CLVS1: variants seen among roughly 807,000 people sequenced by gnomAD.
CLVS1 encodes clavesin 1.
In CLVS1, 10 loss-of-function variants were observed where a neutral mutation model predicts 33.1. That is an observed-to-expected ratio of 0.30 (90% CI 0.19 to 0.51). The LOEUF is 0.51. Among genes scored for constraint, CLVS1 ranks in the 20% least tolerant of loss-of-function variants. CLVS1 has a pLI of 0.97. For missense variants in CLVS1, 343 were observed against 433.4 expected, an observed-to-expected ratio of 0.79 and a Z score of 1.85; for synonymous variants, 163 against 166.1, an observed-to-expected ratio of 0.98 and a Z score of 0.14.
At chr8:60,965,731 G>A in the CLVS1 span, 1 of 152,272 alleles carries the variant, frequency 6.6e-6, no homozygotes, top group South Asian at 2.1e-4. Context: ...CCAGAGCCAC[G>A]TTATTTCTGA....
the CLVS1 span, among the ~76,000 whole-genome samples, chr8:61,001,486 A>T: frequency 6.6e-6 from 1 of 152,260 alleles, no homozygotes; most frequent in South Asian, 2.1e-4. Flanking sequence ...TAAGATTTAC[A>T]GGTGAAAGAG....
intron 2 of CLVS1, among the ~76,000 whole-genome samples, chr8:61,221,683 A>T (rs1808220462): frequency 6.6e-6 from 1 of 152,148 alleles, no homozygotes; most frequent in Admixed American, 6.6e-5. Context: ...TGGTATCAGG[A>T]TGATGCTGGC....
At chr8:61,038,721 G>A in the CLVS1 span, among the ~76,000 whole-genome samples, 1 of 152,114 alleles carries the variant, frequency 6.6e-6, no homozygotes, top group Non-Finnish European at 1.5e-5. Context: ...TTGTGAACGT[G>A]CATGTGTCTT....
At chr8:61,390,354 A>T (rs1286863806) in intron 3 of CLVS1, among the ~76,000 whole-genome samples, 2 of 152,206 alleles carry the variant, frequency 1.3e-5, no homozygotes, top group Non-Finnish European at 2.9e-5. Flanking sequence ...GAATGTTTAG[A>T]TTGTTCCCAG....
chr8:61,300,799 G>A (rs1810401066), intron 2 of CLVS1: 1 of 152,468 alleles, frequency 6.6e-6, no homozygotes, highest in African/African-American at 2.4e-5. Context: ...CAAACTGAAA[G>A]CATCATCTTT....
chr8:61,138,348 G>T (rs568431803), intron 2 of CLVS1, among the ~76,000 whole-genome samples: 24 of 152,344 alleles, frequency 1.6e-4, no homozygotes, highest in Non-Finnish European at 3.1e-4. Flanking sequence ...AATGTTTGAA[G>T]ATAAGGCTGA....
At chr8:61,249,408 T>A (rs1024096607) in intron 2 of CLVS1, among the ~76,000 whole-genome samples, 1 of 152,246 alleles carries the variant, frequency 6.6e-6, no homozygotes, top group Non-Finnish European at 1.5e-5. Flanking sequence ...TATAGTAGAA[T>A]GATTTATAAT....
At chr8:60,988,887 C>T in the CLVS1 span, among the ~76,000 whole-genome samples, 21 of 152,268 alleles carry the variant, frequency 1.4e-4, no homozygotes, top group African/African-American at 5.1e-4. Flanking sequence ...TTTTTTGCAA[C>T]AGAGTCTTGC....
chr8:61,355,816 T>C (rs1224023082), intron 2 of CLVS1, among the ~76,000 whole-genome samples: 1 of 152,202 alleles, frequency 6.6e-6, no homozygotes, highest in African/African-American at 2.4e-5. Flanking sequence ...TCTATCATTG[T>C]TGGACATTTG....
chr8:61,330,624 A>C (rs1175912680), intron 2 of CLVS1, among the ~76,000 whole-genome samples: 2 of 152,204 alleles, frequency 1.3e-5, no homozygotes, highest in African/African-American at 4.8e-5. Context: ...CTCCTTTTAC[A>C]GTCATCCAAA....
intron 3 of CLVS1, among the ~76,000 whole-genome samples, chr8:61,433,875 C>T (rs183928697): frequency 1.5e-3 from 234 of 151,914 alleles, no homozygotes; most frequent in African/African-American, 5.2e-3. Flanking sequence ...GATTGTGCCA[C>T]TGCACTCCAG....
At chr8:61,113,661 T>C (rs17763209) in intron 1 of CLVS1, among the ~76,000 whole-genome samples, 2,696 of 152,298 alleles carry the variant, frequency 0.018, 34 homozygotes, top group Non-Finnish European at 0.027. Context: ...TTAGCAGCCA[T>C]GCCATGCAGT....
chr8:61,140,120 G>A (rs1806279787), intron 2 of CLVS1, among the ~76,000 whole-genome samples: 1 of 152,222 alleles, frequency 6.6e-6, no homozygotes, highest in African/African-American at 2.4e-5. Flanking sequence ...AGCTGGGAGG[G>A]CTGGGTTAGC....
the CLVS1 span, among the ~76,000 whole-genome samples, chr8:60,992,226 T>C: frequency 6.6e-6 from 1 of 152,272 alleles, no homozygotes; most frequent in Non-Finnish European, 1.5e-5. Context: ...TCTGACTTTA[T>C]ATTTTTTACT....
At chr8:61,154,427 A>C (rs1042088391) in intron 2 of CLVS1, among the ~76,000 whole-genome samples, 2 of 152,212 alleles carry the variant, frequency 1.3e-5, no homozygotes, top group Non-Finnish European at 2.9e-5. Flanking sequence ...AGTAGCTACC[A>C]AGCTTATGAA....
intron 1 of CLVS1, among the ~76,000 whole-genome samples, chr8:61,103,818 C>A (rs1805488956): frequency 6.6e-6 from 1 of 152,164 alleles, no homozygotes; most frequent in Admixed American, 6.5e-5. Context: ...AAGGGGTGAA[C>A]TTTAGGCAAG....
chr8:61,458,780 T>C, intron 5 of CLVS1: 1 of 370,236 alleles, frequency 2.7e-6, no homozygotes, highest in Non-Finnish European at 4.9e-6. Context: ...ACTTCACTCA[T>C]GCCACAATTA....
chr8:61,475,194 C>G (rs1259496496), intron 5 of CLVS1, among the ~76,000 whole-genome samples: 3 of 152,204 alleles, frequency 2.0e-5, no homozygotes, highest in Non-Finnish European at 4.4e-5. Flanking sequence ...TCCAGTCTAT[C>G]ATTGCTGGAC....
Position 61,366,361 on chromosome 8 carries a change from T to G in CLVS1, c.456-10244T>G, listed in dbSNP as rs570851959. Among the ~76,000 whole-genome samples, 5 of 152,326 alleles carry G rather than the reference T, an allele frequency of 3.3e-5. No individual in the cohort carries two copies. The East Asian group carries it at 9.6e-4, about 29-fold the overall frequency. On this transcript the variant is annotated intron_variant, in intron 2 of 5. Coordinates refer to ENST00000325897, the MANE Select transcript of CLVS1 (RefSeq NM_173519.3). The stretch of plus-strand genomic sequence containing the variant: ...TTGTTATTCACTGTTCTTGACTGCA[T>G]TTTATCACTGACTGCATTCACACTA...
Sources: gnomAD v4.1 joint callset for allele counts (sites outside exome capture counted in the v4.1 genomes callset) on GRCh38, gnomAD v4.1.1 for gene constraint, MANE v1.5 for transcripts, NCBI Gene and HGNC (gene_info 2026-07-23, HGNC 2026-07-21) for gene names.